Variants in RNF213 observed in about 807,000 individuals in gnomAD.
The protein encoded by RNF213 is ring finger protein 213, also known as E3 ubiquitin-protein ligase RNF213.
Under a neutral mutation model 514.4 loss-of-function variants are expected in RNF213, and 341 were observed. That is an observed-to-expected ratio of 0.66 (90% CI 0.61 to 0.73). The LOEUF (loss-of-function observed/expected upper bound fraction) is 0.73, where lower values mean the gene tolerates loss of function less well. Ranked by LOEUF, RNF213 falls within the 30% of genes least tolerant of loss-of-function variation. The pLI is 0.00. For synonymous variants in RNF213, 2,655 were observed against 2,658.2 expected (o/e 1.00, Z 0.04); for missense variants, 5,767 against 6,615.6 (o/e 0.87, Z 4.45).
In RNF213 at chr17:80,354,172, A is replaced by G. The variant is rs750466126; in HGVS notation, c.10726+6A>G. 8.1e-6 allele frequency: 13 copies of G among 1,612,922 alleles called. No individual in the cohort carries two copies. In the East Asian group the frequency reaches 1.1e-4, roughly 14 times the overall value. ...TGAGGATGACGCGTGCCACGGTATG[A>G]GCCTCCCCACCCCTCTTGCCCCTGC... On this transcript the variant is annotated splice_donor_region_variant and intron_variant, in intron 35 of 67. Coordinates refer to ENST00000582970, the MANE Select transcript of RNF213 (RefSeq NM_001256071.3).
intron 26 of RNF213, chr17:80,341,160 A>G (rs1327379390): frequency 3.3e-5 from 5 of 151,954 alleles, no homozygotes; most frequent in Non-Finnish European, 7.3e-5. Context: ...TCTGGTCTCA[A>G]ACTCCTGACC....
At chr17:80,364,694 C>A in intron 42 of RNF213, 141 bp downstream of exon 42, 1 of 920,210 alleles carries the variant, frequency 1.1e-6, no homozygotes, top group Non-Finnish European at 1.7e-6. Context: ...AAGGTGATTT[C>A]ATCACTAGGC....
At chr17:80,372,826 T>A in intron 48 of RNF213, 92 bp downstream of exon 48, 1 of 1,404,666 alleles carries the variant, frequency 7.1e-7, no homozygotes, top group Non-Finnish European at 9.9e-7. Flanking sequence ...TCGAATAGAC[T>A]ACTACTGGGC....
At position 80,263,444 on chromosome 17, in the gene RNF213, G is replaced by A. The variant is rs781352554; in HGVS notation, c.-108-130G>A. The A allele has an allele frequency of 3.6e-6, 2 of 548,992 alleles. No individual in the cohort carries two copies. The highest frequency in any genetic ancestry group is 6.6e-6 in the Non-Finnish European group (2 of 301,050). 34.0% of individuals were successfully genotyped at this position (548,992 alleles called of 1,614,324 possible). A position where few individuals can be genotyped will look rare whatever the true frequency, so the allele number is the denominator to read the frequency against. The stretch of plus-strand genomic sequence containing the variant: ...TAGGCTGGCTGAATGAGGGACCAGG[G>A]CAGAGACTGCAAAAGCTTGAGAGCC... On this transcript the variant is annotated intron_variant, in intron 1 of 67. Coordinates refer to ENST00000582970, the MANE Select transcript of RNF213 (RefSeq NM_001256071.3). This position sits in a 1 kb window ranked among gnomAD's most constrained non-coding sequence, Gnocchi z 4.9.
intron 10 of RNF213, among the ~76,000 whole-genome samples, chr17:80,297,381 C>T (rs1455214983): frequency 1.3e-5 from 2 of 149,024 alleles, no homozygotes; most frequent in South Asian, 2.1e-4. Context: ...ACCCAGGAGG[C>T]GGAGGTTGCA....
chr17:80,355,361 C>A (rs866549810), intron 36 of RNF213: 2 of 273,930 alleles, frequency 7.3e-6, no homozygotes, highest in South Asian at 2.2e-5. Flanking sequence ...GCGGGGTGAA[C>A]GGGAATGGGA....
rs2078439688 is a variant in RNF213, at chr17:80,349,842, C to T, written c.10024C>T (p.Pro3342Ser). ...AGAATCAGAGGTCACAGGCAGGGCT[C>T]CGAAACCCACACTCCTGTGGCTGCA... The part of the protein sequence containing the change: ...ILESEVTGRA[P>S]KPTLLWLQQF... The change falls in exon 30 of 68, where the codon CCG (proline) becomes TCG (serine). Residue 3342 changes from proline to serine, a missense_variant. Coordinates refer to ENST00000582970, the MANE Select transcript of RNF213 (RefSeq NM_001256071.3). The T allele has an allele frequency of 2.5e-6, 4 of 1,614,164 alleles. No individual in the cohort carries two copies. The highest frequency in any genetic ancestry group is 1.1e-5 in the South Asian group (1 of 91,082).
At chr17:80,352,394 T>G (rs934295606) in intron 32 of RNF213, 4 of 286,034 alleles carry the variant, frequency 1.4e-5, no homozygotes, top group Non-Finnish European at 2.6e-5. Flanking sequence ...GCGTGGAGAC[T>G]CCCGACTCCC....
intron 49 of RNF213, 61 bp from the exon 50 acceptor site, chr17:80,374,397 A>G (rs2144534451): frequency 1.2e-6 from 2 of 1,609,922 alleles, no homozygotes; most frequent in Non-Finnish European, 8.5e-7. Flanking sequence ...GTACCCGTTC[A>G]GACGGTTCTT....
intron 42 of RNF213, among the ~76,000 whole-genome samples, chr17:80,367,076 C>T (rs367995834): frequency 6.6e-6 from 1 of 152,190 alleles, no homozygotes; most frequent in African/African-American, 2.4e-5. Context: ...AGACAGGTAA[C>T]TGGTGTCTTT....
intron 31 of RNF213, 142 bp from the exon 32 acceptor site, chr17:80,351,543 A>G: frequency 1.6e-6 from 1 of 611,972 alleles, no homozygotes. Context: ...TGTAAAACTC[A>G]TCGGAACGGG....
intron 2 of RNF213, among the ~76,000 whole-genome samples, 183 bp from the exon 3 acceptor site, chr17:80,273,058 C>G (rs1008287957): frequency 2.0e-5 from 3 of 152,034 alleles, no homozygotes; most frequent in Admixed American, 6.6e-5. Context: ...ACTGGGGTCC[C>G]TGGTTCCCTC....
At chr17:80,376,836 G>A (rs1015122867) in intron 52 of RNF213, 46 bp from the exon 53 acceptor site, 2 of 1,531,436 alleles carry the variant, frequency 1.3e-6, no homozygotes, top group Admixed American at 1.7e-5. Context: ...GCACCCAGGT[G>A]ACAAGCTCAC....
chr17:80,326,100 A>C (rs1301188701), intron 18 of RNF213, among the ~76,000 whole-genome samples: 1 of 152,118 alleles, frequency 6.6e-6, no homozygotes, highest in East Asian at 1.9e-4. Context: ...CTGGGATTAC[A>C]GATGTGAGCC....
chr17:80,277,176 A>G (rs959952543), intron 3 of RNF213, among the ~76,000 whole-genome samples: 9 of 152,232 alleles, frequency 5.9e-5, no homozygotes, highest in African/African-American at 9.6e-5. Flanking sequence ...GAGGCCATGT[A>G]TGATTCCTTT....
At chr17:80,392,494 T>G (rs2080514487) in intron 67 of RNF213, among the ~76,000 whole-genome samples, 1 of 152,204 alleles carries the variant, frequency 6.6e-6, no homozygotes, top group Non-Finnish European at 1.5e-5. Context: ...GTCGTGTTTG[T>G]GTACTGCATG....
At chr17:80,270,617 C>T (rs961369269) in intron 2 of RNF213, among the ~76,000 whole-genome samples, 3 of 152,186 alleles carry the variant, frequency 2.0e-5, no homozygotes, top group Non-Finnish European at 2.9e-5. Flanking sequence ...GCATGGCAGG[C>T]ATCTCTTTGG....
chr17:80,338,990 C>T (rs2078069206), intron 25 of RNF213, among the ~76,000 whole-genome samples: 1 of 151,670 alleles, frequency 6.6e-6, no homozygotes, highest in African/African-American at 2.4e-5. Context: ...CAAATGATAC[C>T]ATTTATCTCT....
In RNF213 at chr17:80,288,900, T is replaced by C; in HGVS notation, c.933+145T>C. 1 of 1,411,752 alleles carries C rather than the reference T, an allele frequency of 7.1e-7. No homozygotes were observed. Among genetic ancestry groups the C allele is most frequent in the Non-Finnish European group, 9.7e-7 (1 of 1,026,510 alleles). The allele number at this position is 1,411,752 out of a possible 1,614,324, so 87.5% of individuals were successfully genotyped here. ...AGCTCTGGCCTTCGGGGTGCTCACA[T>C]TCCAGCGGAGAGAGAGTCAGGAAAC... is the stretch of plus-strand genomic sequence containing the variant. On this transcript the variant is annotated intron_variant, in intron 5 of 67. Transcript: ENST00000582970. This position sits in a 1 kb window ranked among gnomAD's most constrained non-coding sequence, Gnocchi z 4.9.
Sources: gnomAD v4.1 joint callset for allele counts (sites outside exome capture counted in the v4.1 genomes callset) on GRCh38, gnomAD v4.1.1 for gene constraint, Gnocchi (gnomAD v3.1) non-coding constraint, MANE v1.5 for transcripts, NCBI Gene and HGNC (gene_info 2026-07-23, HGNC 2026-07-21) for gene names.